Variants in EPX observed in about 807,000 individuals in gnomAD.
EPX encodes the protein eosinophil peroxidase.
Under a neutral mutation model 73.0 loss-of-function variants are expected in EPX, and 60 were observed. That is an observed-to-expected ratio of 0.82 (90% CI 0.67 to 1.02). The LOEUF (loss-of-function observed/expected upper bound fraction) is 1.02, where lower values mean the gene tolerates loss of function less well. Ranked by LOEUF, EPX falls within the 50% of genes least tolerant of loss-of-function variation. The pLI is 0.00. For missense variants in EPX, 950 were observed against 973.9 expected, an observed-to-expected ratio of 0.98 and a Z score of 0.33; for synonymous variants, 347 against 389.2, an observed-to-expected ratio of 0.89 and a Z score of 1.28.
intron 6 of EPX, among the ~76,000 whole-genome samples, chr17:58,196,008 C>T (rs1968250216): frequency 6.8e-6 from 1 of 146,014 alleles, no homozygotes; most frequent in South Asian, 2.2e-4. Flanking sequence ...CCTTCCCTTC[C>T]TTCCTTCATT....
rs191836339 is a variant in EPX, at chr17:58,204,347, C to T, written c.2072C>T (p.Ala691Val). 166 of 1,613,954 alleles carry T rather than the reference C, an allele frequency of 1.0e-4. No homozygotes were observed. The highest frequency in any genetic ancestry group is 7.7e-5 in the Non-Finnish European group (91 of 1,179,834). Residue 691 changes from alanine (A) to valine (V), a missense_variant, in exon 12 of 13, where the codon GCC becomes GTC. Physicochemically the swap from Ala to Val is moderately conservative, Grantham distance 64. Transcript: ENST00000225371. ...ITTVSRDIFR[A>V]NIYPRGFVNC... The stretch of plus-strand genomic sequence containing the variant: ...ACGGTTTCAAGGGACATCTTCAGAG[C>T]CAACATCTACCCTCGGGGCTTTGTG...
Position 58,193,725 on chromosome 17 carries a change from G to A in EPX, c.358G>A (p.Glu120Lys). The change falls in exon 4 of 13, where the codon GAA becomes AAA. Residue 120 changes from glutamate (E) to lysine (K), a missense_variant. Glu to Lys is a moderately conservative substitution (Grantham distance 56, BLOSUM62 1). Transcript: ENST00000225371. Reference protein sequence around the residue: ...GPFNVTDVLTEPQLRLLSQAS... With the variant: ...GPFNVTDVLTKPQLRLLSQAS... ...TTGCCTTCCCACAGATGTGCTAACA[G>A]AACCACAGCTGCGGCTGCTGTCCCA... The A allele has an allele frequency of 6.2e-7, 1 of 1,611,788 alleles. No individual in the cohort carries two copies. Among genetic ancestry groups the A allele is most frequent in the Non-Finnish European group, 8.5e-7 (1 of 1,179,438 alleles).
chr17:58,204,553 C>G, intron 12 of EPX, 119 bp downstream of exon 12: 1 of 670,780 alleles, frequency 1.5e-6, no homozygotes, highest in Non-Finnish European at 2.6e-6. Context: ...TCACTAGGTA[C>G]TCTTTCCAAG....
At position 58,193,734 on chromosome 17, in the gene EPX, CT is replaced by C. The variant is rs1215035046; in HGVS notation, c.368del (p.Leu123ArgfsTer38). The C allele has an allele frequency of 6.2e-7, 1 of 1,611,908 alleles. No individual in the cohort carries two copies. Among genetic ancestry groups the C allele is most frequent in the Non-Finnish European group, 8.5e-7 (1 of 1,179,654 alleles). ...CACAGATGTGCTAACAGAACCACAG[CT>C]GCGGCTGCTGTCCCAGGCCAGTGGC... ...NVTDVLTEPQ[L>X]RLLSQASGCA... On this transcript the variant is annotated frameshift_variant, in exon 4 of 13. Transcript: ENST00000225371. LOFTEE classifies it high-confidence loss of function.
intron 11 of EPX, 90 bp from the exon 12 acceptor site, chr17:58,204,132 A>T: frequency 1.1e-6 from 1 of 892,964 alleles, no homozygotes; most frequent in South Asian, 1.3e-5. Context: ...TGAATGGAAT[A>T]ATATATGTAA....
rs530146339 is a variant in EPX, at chr17:58,195,022, G to A, written c.653G>A (p.Arg218His). The A allele has an allele frequency of 1.8e-5, 29 of 1,614,086 alleles. No homozygotes were observed. Among genetic ancestry groups the A allele is most frequent in the African/African-American group, 1.2e-4 (9 of 75,032 alleles). The change falls in exon 6 of 13, where the codon CGT (arginine) becomes CAT (histidine). Residue 218 changes from arginine to histidine, a missense_variant. Transcript: ENST00000225371. ...CCCAATGAGAGACTGACCTCCGACC[G>A]TGGCCGAGCCCTCATGTTCATGCAG... Reference protein sequence around the residue: ...RFPNERLTSDRGRALMFMQWG... With the variant: ...RFPNERLTSDHGRALMFMQWG...
chr17:58,198,005 T>C (rs1968286519), intron 7 of EPX, among the ~76,000 whole-genome samples: 1 of 151,998 alleles, frequency 6.6e-6, no homozygotes, highest in Admixed American at 6.6e-5. Context: ...TTGGCTAATT[T>C]TTGTATATTT....
chr17:58,197,319 GA>G, intron 7 of EPX, 62 bp downstream of exon 7: 1 of 1,590,300 alleles, frequency 6.3e-7, no homozygotes, highest in Non-Finnish European at 8.6e-7. Context: ...TCCCAACTGG[GA>G]AGCAATGGTG....
chr17:58,202,957 C>A lies in EPX; in HGVS notation c.1709-124C>A. 4.0e-6 allele frequency: 3 copies of A among 749,070 alleles called. No homozygotes were observed. The East Asian group carries it at 7.7e-5, about 19-fold the overall frequency. 46.4% of individuals were successfully genotyped at this position (749,070 alleles called of 1,614,324 possible). On this transcript the variant is annotated intron_variant, in intron 10 of 12. Transcript: ENST00000225371. ...GAAGCTCTAGGGACTCTTCTGCCAG[C>A]AGGATCTTCTGGTTCTGCCCAATAT...
rs368242223 is a variant in EPX at position 58,203,072 on chromosome 17, C to A, written c.1709-9C>A. ...AAGACTGAAGCTGCTTCTCCCCGTTCCCCTGCAGGGTACAATGCTTGGAGG... is the reference window on the plus strand; with the variant it reads ...AAGACTGAAGCTGCTTCTCCCCGTTACCCTGCAGGGTACAATGCTTGGAGG... On this transcript the variant is annotated splice_polypyrimidine_tract_variant and intron_variant, in intron 10 of 12. Coordinates refer to ENST00000225371, the MANE Select transcript of EPX (RefSeq NM_000502.6). The A allele has an allele frequency of 2.8e-5, 45 of 1,603,254 alleles. No individual in the cohort carries two copies. Among genetic ancestry groups the A allele is most frequent in the Non-Finnish European group, 3.7e-5 (43 of 1,170,552 alleles).
intron 11 of EPX, among the ~76,000 whole-genome samples, chr17:58,203,651 G>A (rs1422679052): frequency 2.0e-5 from 3 of 152,064 alleles, no homozygotes; most frequent in South Asian, 2.1e-4. Flanking sequence ...AAGACCTGAC[G>A]GCCGGGCGCG....
chr17:58,194,062 C>T lies in EPX; in HGVS notation c.564C>T (p.Ser188=). ...GLSLPFGWTP[S]RRRNGFLLPL... ...CGCTCCCCTTCGGCTGGACCCCCAG[C>T]AGGAGGCGCAATGGCTTCCTTCTCC... Residue 188 remains serine, a synonymous_variant, in exon 5 of 13, where the codon AGC becomes AGT. Coordinates refer to ENST00000225371, the MANE Select transcript of EPX (RefSeq NM_000502.6). The T allele has an allele frequency of 6.2e-7, 1 of 1,613,494 alleles. No individual in the cohort carries two copies. Among genetic ancestry groups the T allele is most frequent in the Non-Finnish European group, 8.5e-7 (1 of 1,179,996 alleles).
At chr17:58,202,167 G>A (rs1272910604) in intron 10 of EPX, among the ~76,000 whole-genome samples, 1 of 152,212 alleles carries the variant, frequency 6.6e-6, no homozygotes, top group African/African-American at 2.4e-5. Context: ...CTCAGTAATG[G>A]TAAAATACTG....
Position 58,203,103 on chromosome 17 carries a change from C to A in EPX, c.1731C>A (p.Phe577Leu). ...GLPGYNAWRRFCGLSQPRNLA... is the reference protein window; with the variant it reads ...GLPGYNAWRRLCGLSQPRNLA... ...CAGGGTACAATGCTTGGAGGCGCTTCTGTGGGCTCTCCCAGCCCCGGAATT... is the reference window on the plus strand; with the variant it reads ...CAGGGTACAATGCTTGGAGGCGCTTATGTGGGCTCTCCCAGCCCCGGAATT... The change falls in exon 11 of 13, where the codon TTC becomes TTA. Residue 577 changes from phenylalanine (F) to leucine (L), a missense_variant. Physicochemically the swap from Phe to Leu is conservative, Grantham distance 22. Transcript: ENST00000225371. The A allele has an allele frequency of 6.2e-7, 1 of 1,614,004 alleles. No homozygotes were observed. Among genetic ancestry groups the A allele is most frequent in the South Asian group, 1.1e-5 (1 of 91,072 alleles).
rs768856754 is a variant in EPX, at chr17:58,200,233, G to A, written c.1546G>A (p.Asp516Asn). 20 of 1,614,060 alleles carry A rather than the reference G, an allele frequency of 1.2e-5. No homozygotes were observed. The South Asian group carries it at 1.3e-4, about 11-fold the overall frequency. ...SWRIVYEGGIDPILRGLMATP... is the reference protein window; with the variant it reads ...SWRIVYEGGINPILRGLMATP... The stretch of plus-strand genomic sequence containing the variant: ...ACATTCCCTGCCACCAGGGGGCATC[G>A]ACCCCATCCTCCGGGGCCTCATGGC... The change falls in exon 10 of 13, where the codon GAC becomes AAC. Residue 516 changes from aspartate to asparagine, a missense_variant. By Grantham distance (23) the Asp-to-Asn change is conservative (BLOSUM62 1). Coordinates refer to ENST00000225371, the MANE Select transcript of EPX (RefSeq NM_000502.6).
In EPX at chr17:58,192,750, C is replaced by T. The variant is rs1324346038; in HGVS notation, c.-97C>T. On this transcript the variant is annotated 5_prime_UTR_variant, in exon 1 of 13. Transcript: ENST00000225371. ...AGAAGAGCTGGAGGAAGTGAGAGGT[C>T]GGCTGGGGGTCCTCAAAGTGAGAGG... 27 of 1,038,304 alleles carry T rather than the reference C, an allele frequency of 2.6e-5. No homozygotes were observed. In the East Asian group the frequency reaches 3.6e-4, roughly 14 times the overall value. The allele number at this position is 1,038,304 out of a possible 1,614,324, so 64.3% of individuals were successfully genotyped here.
Position 58,200,267 on chromosome 17 carries a change from C to A in EPX, c.1580C>A (p.Ala527Asp). ...PILRGLMATP[A>D]KLNRQDAMLV... Reference sequence around the variant, plus strand: ...CTCCGGGGCCTCATGGCCACCCCTGCCAAGCTGAACCGTCAGGATGCCATG... The same window carrying A: ...CTCCGGGGCCTCATGGCCACCCCTGACAAGCTGAACCGTCAGGATGCCATG... Residue 527 changes from alanine to aspartate, a missense_variant, in exon 10 of 13, where the codon GCC (alanine) becomes GAC (aspartate). Coordinates refer to ENST00000225371, the MANE Select transcript of EPX (RefSeq NM_000502.6). 1.2e-6 allele frequency: 2 copies of A among 1,614,202 alleles called. No homozygotes were observed. Among genetic ancestry groups the A allele is most frequent in the South Asian group, 2.2e-5 (2 of 91,088 alleles).
chr17:58,195,500 G>A (rs933155933), intron 6 of EPX, among the ~76,000 whole-genome samples: 8 of 152,178 alleles, frequency 5.3e-5, no homozygotes, highest in African/African-American at 1.9e-4. Context: ...CTTAGCTCTT[G>A]CCCTTCTCTC....
chr17:58,200,122 C>T lies in EPX; in HGVS notation c.1538-103C>T, dbSNP rs541927341. ...TCCTGACAAACGTTACTAACATACC[C>T]GACTGGCTTGTCCAGCTCTGGGCTA... On this transcript the variant is annotated intron_variant, in intron 9 of 12. Transcript: ENST00000225371. 2,377 of 1,116,446 alleles carry T rather than the reference C, an allele frequency of 2.1e-3. 32 individuals carry two copies. The highest frequency in any genetic ancestry group is 0.014 in the South Asian group (1,126 of 79,650). The allele number at this position is 1,116,446 out of a possible 1,614,324, so 69.2% of individuals were successfully genotyped here. A position where few individuals can be genotyped will look rare whatever the true frequency, so the allele number is the denominator to read the frequency against.
Sources: allele counts gnomAD v4.1 joint callset (sites outside exome capture counted in the v4.1 genomes callset), GRCh38; gene constraint gnomAD v4.1.1; transcripts MANE v1.5; gene names NCBI Gene and HGNC (gene_info 2026-07-23, HGNC 2026-07-21).